Variants in EIF2AK4 observed in about 807,000 individuals in gnomAD.
EIF2AK4 encodes the protein eukaryotic translation initiation factor 2 alpha kinase 4.
EIF2AK4 carries 139 observed loss-of-function variants against 211.1 expected under a neutral mutation model. That is an observed-to-expected ratio of 0.66 (90% CI 0.57 to 0.76). The LOEUF (loss-of-function observed/expected upper bound fraction) is 0.76, where lower values mean the gene tolerates loss of function less well. Ranked by LOEUF, EIF2AK4 falls within the 30% of genes least tolerant of loss-of-function variation. The pLI is 0.00. For missense variants in EIF2AK4, 1,664 were observed against 2,043.8 expected, an observed-to-expected ratio of 0.81 and a Z score of 3.58; for synonymous variants, 710 against 751.3, an observed-to-expected ratio of 0.94 and a Z score of 0.90.
At chr15:39,983,504 A>G (rs1345641910) in intron 13 of EIF2AK4, among the ~76,000 whole-genome samples, 4 of 151,348 alleles carry the variant, frequency 2.6e-5, no homozygotes, top group Non-Finnish European at 5.9e-5. Context: ...GTGCAATAGC[A>G]CGATCTCAGC....
intron 19 of EIF2AK4, among the ~76,000 whole-genome samples, chr15:39,998,125 T>G (rs1193837344): frequency 6.6e-6 from 1 of 152,228 alleles, no homozygotes; most frequent in East Asian, 1.9e-4. Flanking sequence ...GCAATGCTCT[T>G]AGATGATTAT....
At position 40,021,039 on chromosome 15, in the gene EIF2AK4, A is replaced by G. The variant is rs370798473; in HGVS notation, c.4302+12A>G. On this transcript the variant is annotated intron_variant, in intron 31 of 38. Coordinates refer to ENST00000263791, the MANE Select transcript of EIF2AK4 (RefSeq NM_001013703.4). ...ACGACTGGTCACAGGTAATGGGACAAAAAGCACCTGTGAGTGAAGTGCAAA... is the reference window on the plus strand; with the variant it reads ...ACGACTGGTCACAGGTAATGGGACAGAAAGCACCTGTGAGTGAAGTGCAAA... 4.6e-5 allele frequency: 74 copies of G among 1,610,978 alleles called. No homozygotes were observed. In the African/African-American group the frequency reaches 8.8e-4, roughly 19 times the overall value.
intron 2 of EIF2AK4, 133 bp downstream of exon 2, chr15:39,939,750 C>A: frequency 1.6e-6 from 1 of 610,782 alleles, no homozygotes; most frequent in South Asian, 3.3e-5. Context: ...TCTATTTCAA[C>A]AAAACTACAT....
chr15:39,963,284 A>G (rs1425070809), intron 7 of EIF2AK4, among the ~76,000 whole-genome samples: 1 of 152,202 alleles, frequency 6.6e-6, no homozygotes, highest in Non-Finnish European at 1.5e-5. Context: ...TCATGAAGTG[A>G]CAACATAAAA....
chr15:39,959,359 G>C (rs1030886000), intron 6 of EIF2AK4, among the ~76,000 whole-genome samples: 2 of 152,154 alleles, frequency 1.3e-5, no homozygotes, highest in Non-Finnish European at 2.9e-5. Flanking sequence ...CAATAGATAT[G>C]GATGACATTG....
chr15:39,965,924 T>A, intron 8 of EIF2AK4, 81 bp downstream of exon 8: 2 of 1,549,764 alleles, frequency 1.3e-6, no homozygotes, highest in South Asian at 2.4e-5. Flanking sequence ...GCCCTGCATT[T>A]GTTTGCCCTG....
chr15:39,996,440 C>T (rs972844645), intron 18 of EIF2AK4, among the ~76,000 whole-genome samples: 1 of 152,186 alleles, frequency 6.6e-6, no homozygotes, highest in Non-Finnish European at 1.5e-5. Flanking sequence ...CGTGTTGGCT[C>T]ATGCCTGTAA....
intron 23 of EIF2AK4, among the ~76,000 whole-genome samples, chr15:40,003,775 G>A (rs937157591): frequency 1.2e-4 from 19 of 152,098 alleles, no homozygotes; most frequent in Non-Finnish European, 8.8e-5. Flanking sequence ...GCTTTCTTCC[G>A]ACCCCCAGGG....
At chr15:39,944,744 T>C (rs747249532) in intron 3 of EIF2AK4, among the ~76,000 whole-genome samples, 2 of 152,150 alleles carry the variant, frequency 1.3e-5, no homozygotes, top group Non-Finnish European at 2.9e-5. Flanking sequence ...ACGATCTCTT[T>C]ATGTGAAAAC....
At chr15:39,959,795 T>C (rs1326895088) in intron 6 of EIF2AK4, among the ~76,000 whole-genome samples, 1 of 152,250 alleles carries the variant, frequency 6.6e-6, no homozygotes, top group African/African-American at 2.4e-5. Context: ...AGTGTGTCCC[T>C]AGTTGCACAC....
Position 39,976,519 on chromosome 15 carries a change from C to A in EIF2AK4, c.1924C>A (p.Arg642=), listed in dbSNP as rs2034694080. ...CAAGGGCGAAGTGACACTGCTGTCA[C>A]GGCTGCACCATGAGAACATTGTGCG... is the stretch of plus-strand genomic sequence containing the variant. ...RIKGEVTLLS[R]LHHENIVRYY... The change falls in exon 12 of 39, where the codon CGG becomes AGG. Residue 642 remains arginine, a synonymous_variant. Transcript: ENST00000263791. 1 of 1,612,710 alleles carries A rather than the reference C, an allele frequency of 6.2e-7. No homozygotes were observed. Among genetic ancestry groups the A allele is most frequent in the Admixed American group, 1.7e-5 (1 of 59,912 alleles).
intron 25 of EIF2AK4, among the ~76,000 whole-genome samples, chr15:40,008,894 G>A (rs1463295851): frequency 1.3e-5 from 2 of 152,092 alleles, no homozygotes; most frequent in African/African-American, 2.4e-5. Context: ...CAGCCAGCTC[G>A]GCACATGGCT....
intron 35 of EIF2AK4, 87 bp from the exon 36 acceptor site, chr15:40,032,082 T>C: frequency 1.8e-6 from 2 of 1,142,340 alleles, no homozygotes; most frequent in Non-Finnish European, 2.7e-6. Flanking sequence ...TATGTAACCC[T>C]GTGATTGTAT....
At chr15:39,992,888 G>A (rs180798450) in intron 18 of EIF2AK4, 40 bp downstream of exon 18, 2 of 1,583,516 alleles carry the variant, frequency 1.3e-6, no homozygotes, top group East Asian at 2.2e-5. Context: ...CAAAATTAAG[G>A]TAATAGGACA....
chr15:39,995,811 C>T (rs1489028661), intron 18 of EIF2AK4, among the ~76,000 whole-genome samples: 2 of 152,122 alleles, frequency 1.3e-5, no homozygotes, highest in East Asian at 1.9e-4. Flanking sequence ...ATTACCACAG[C>T]GAAGCTGACC....
At position 40,035,360 on chromosome 15, in the gene EIF2AK4, C is replaced by T; in HGVS notation, c.*276C>T. 1 of 208,254 alleles carries T rather than the reference C, an allele frequency of 4.8e-6. No homozygotes were observed. Among genetic ancestry groups the T allele is most frequent in the Non-Finnish European group, 9.4e-6 (1 of 106,196 alleles). 12.9% of individuals were successfully genotyped at this position (208,254 alleles called of 1,614,324 possible). A position where few individuals can be genotyped will look rare whatever the true frequency, so the allele number is the denominator to read the frequency against. On this transcript the variant is annotated 3_prime_UTR_variant, in exon 39 of 39. Coordinates refer to ENST00000263791, the MANE Select transcript of EIF2AK4 (RefSeq NM_001013703.4). Reference sequence around the variant, plus strand: ...TGGCACATGCCTGTAGTCCCAGCTACTCCAGAGGCTGAGATGGATCATCTG... The same window carrying T: ...TGGCACATGCCTGTAGTCCCAGCTATTCCAGAGGCTGAGATGGATCATCTG...
intron 9 of EIF2AK4, among the ~76,000 whole-genome samples, chr15:39,970,801 T>A (rs1327050070): frequency 1.3e-5 from 2 of 152,042 alleles, no homozygotes; most frequent in Non-Finnish European, 2.9e-5. Context: ...AAGGAGAAGG[T>A]ATATATGTTT....
intron 15 of EIF2AK4, among the ~76,000 whole-genome samples, chr15:39,989,866 A>G (rs2034918264): frequency 6.6e-6 from 1 of 152,152 alleles, no homozygotes; most frequent in African/African-American, 2.4e-5. Flanking sequence ...AAATGTTGGT[A>G]TAGTGCAAAT....
Position 40,035,134 on chromosome 15 carries a change from G to A in EIF2AK4, c.*50G>A. ...ATTCAAACAGACAGAGGCTTATACT[G>A]GAATAATGGAATGTTGTACATTCAT... is the stretch of plus-strand genomic sequence containing the variant. On this transcript the variant is annotated 3_prime_UTR_variant, in exon 39 of 39. Coordinates refer to ENST00000263791, the MANE Select transcript of EIF2AK4 (RefSeq NM_001013703.4). The A allele has an allele frequency of 7.8e-7, 1 of 1,288,782 alleles. No homozygotes were observed. The allele number at this position is 1,288,782 out of a possible 1,614,324, so 79.8% of individuals were successfully genotyped here.
Sources: allele counts gnomAD v4.1 joint callset (sites outside exome capture counted in the v4.1 genomes callset), GRCh38; gene constraint gnomAD v4.1.1; transcripts MANE v1.5; gene names NCBI Gene and HGNC (gene_info 2026-07-23, HGNC 2026-07-21).